Variants in LRP5 observed in about 807,000 individuals in gnomAD.
LRP5 encodes low-density lipoprotein receptor-related protein 5.
In LRP5, 62 loss-of-function variants were observed where a neutral mutation model predicts 154.1. The ratio of observed to expected loss-of-function variants is 0.40; its 90% CI spans 0.33 to 0.50. LRP5 has a LOEUF of 0.50. LRP5 is among the 20% of genes least tolerant of loss of function. The probability of loss-of-function intolerance (pLI) is 0.55; values close to 1 mark genes in which losing one functional copy is unlikely to be tolerated. For synonymous variants in LRP5, 966 were observed against 1,011.5 expected (o/e 0.96, Z 0.85); for missense variants, 1,915 against 2,336.7 (o/e 0.82, Z 3.72).
At chr11:68,422,793 T>A (rs572680666) in intron 13 of LRP5, among the ~76,000 whole-genome samples, 1 of 132,858 alleles carries the variant, frequency 7.5e-6, no homozygotes, top group Non-Finnish European at 1.6e-5. Flanking sequence ...TCTGTACCGA[T>A]CCCTTTACCC....
At chr11:68,329,826 C>T (rs2098601729) in intron 1 of LRP5, among the ~76,000 whole-genome samples, 1 of 152,236 alleles carries the variant, frequency 6.6e-6, no homozygotes, top group Non-Finnish European at 1.5e-5. Context: ...CACTATTTGC[C>T]ATGGCCTTGG....
At position 68,363,961 on chromosome 11, in the gene LRP5, C is replaced by T. The variant is rs555578886; in HGVS notation, c.883+18C>T. The T allele has an allele frequency of 3.9e-5, 43 of 1,096,048 alleles. No individual in the cohort carries two copies. In the East Asian group the frequency reaches 5.6e-4, roughly 14 times the overall value. The allele number at this position is 1,096,048 out of a possible 1,614,324, so 67.9% of individuals were successfully genotyped here. A position where few individuals can be genotyped will look rare whatever the true frequency, so the allele number is the denominator to read the frequency against. On this transcript the variant is annotated intron_variant, in intron 4 of 22. Coordinates refer to ENST00000294304, the MANE Select transcript of LRP5 (RefSeq NM_002335.4). ...GCCTTTCTGTGAGTGCCGGCTGGGG[C>T]GCGGGGGCGAGGGTGCGGGGGCTGG... is the stretch of plus-strand genomic sequence containing the variant.
Position 68,406,573 on chromosome 11 carries a change from C to T in LRP5, c.1851C>T (p.Phe617=), listed in dbSNP as rs746784651. The stretch of plus-strand genomic sequence containing the variant: ...ACGGGGGGTGCAGCCACCTGTGCTT[C>T]TTCACACCCCACGCAACCCGGTGTG... ...DRNGGCSHLC[F]FTPHATRCGC... Residue 617 remains phenylalanine (F), a synonymous_variant, in exon 9 of 23, where the codon TTC becomes TTT. Transcript: ENST00000294304. 1 of 1,614,216 alleles carries T rather than the reference C, an allele frequency of 6.2e-7. No homozygotes were observed. The highest frequency in any genetic ancestry group is 1.1e-5 in the South Asian group (1 of 91,088).
chr11:68,373,009 C>T (rs538571358), intron 5 of LRP5, among the ~76,000 whole-genome samples: 89 of 151,656 alleles, frequency 5.9e-4, no homozygotes, highest in Non-Finnish European at 1.1e-3. Flanking sequence ...CCAGAAGAAA[C>T]GGGGCAGGTG....
chr11:68,408,182 C>T (rs974099531), intron 9 of LRP5, among the ~76,000 whole-genome samples: 1 of 151,366 alleles, frequency 6.6e-6, no homozygotes, highest in Non-Finnish European at 1.5e-5. Context: ...CTCTAGTGAT[C>T]CTCTCATCTC....
intron 21 of LRP5, among the ~76,000 whole-genome samples, chr11:68,445,370 G>A (rs921286101): frequency 2.0e-5 from 3 of 152,208 alleles, no homozygotes; most frequent in African/African-American, 7.2e-5. Context: ...AAAGTGCTAG[G>A]TCAAGCCCAT....
chr11:68,342,945 C>G (rs551021590), intron 1 of LRP5, among the ~76,000 whole-genome samples: 2 of 152,340 alleles, frequency 1.3e-5, no homozygotes, highest in African/African-American at 4.8e-5. Context: ...GCCAGGGCCC[C>G]CCGCTGGGAC....
intron 1 of LRP5, among the ~76,000 whole-genome samples, chr11:68,335,210 G>C (rs2098605007): frequency 6.6e-6 from 1 of 151,656 alleles, no homozygotes; most frequent in African/African-American, 2.4e-5. Flanking sequence ...TCCAGTAGCT[G>C]GGACTATAGG....
intron 15 of LRP5, among the ~76,000 whole-genome samples, chr11:68,425,586 C>T (rs2098668308): frequency 6.6e-6 from 1 of 152,238 alleles, no homozygotes; most frequent in Non-Finnish European, 1.5e-5. Context: ...GCGCAAGAAG[C>T]TGCTCTGCTC....
chr11:68,401,329 A>G (rs1331629550), intron 7 of LRP5, among the ~76,000 whole-genome samples: 2 of 152,230 alleles, frequency 1.3e-5, no homozygotes, highest in African/African-American at 4.8e-5. Flanking sequence ...CGGAGCATCC[A>G]GGCATGGGTG....
chr11:68,332,281 T>G (rs1212910514), intron 1 of LRP5, among the ~76,000 whole-genome samples: 1 of 152,266 alleles, frequency 6.6e-6, no homozygotes, highest in East Asian at 1.9e-4. Flanking sequence ...TTATTCATTA[T>G]TGTCATGCAA....
At position 68,337,326 on chromosome 11, in the gene LRP5, G is replaced by A. The variant is rs140869488; in HGVS notation, c.92-10521G>A. ...TGTCCCTGGGGTTGGGGTGTGAGGA[G>A]GTGTGCAGGGTAGTAGCGTGAATAA... On this transcript the variant is annotated intron_variant, in intron 1 of 22. Transcript: ENST00000294304. Among the ~76,000 whole-genome samples, 614 of 152,282 alleles carry A rather than the reference G, an allele frequency of 4.0e-3. 2 individuals carry two copies. The highest frequency in any genetic ancestry group is 0.014 in the African/African-American group (591 of 41,548).
chr11:68,429,735 G>A, intron 17 of LRP5, 35 bp downstream of exon 17: 2 of 1,613,500 alleles, frequency 1.2e-6, no homozygotes, highest in Admixed American at 1.7e-5. Flanking sequence ...TGGGGTGATG[G>A]ACAGGTACCT....
chr11:68,447,975 G>A lies in LRP5; in HGVS notation c.4587-834G>A, dbSNP rs547661457. ...GGTTGCTGTATTAGCCTGTTCTCACGCTGCTAATAAAGACATACCCAAGAC... is the reference window on the plus strand; with the variant it reads ...GGTTGCTGTATTAGCCTGTTCTCACACTGCTAATAAAGACATACCCAAGAC... On this transcript the variant is annotated intron_variant, in intron 22 of 22. Transcript: ENST00000294304. The surrounding 1 kb of genome is among the most constrained non-coding windows in gnomAD (Gnocchi z 4.3). Among the ~76,000 whole-genome samples, 1 of 152,162 alleles carries A rather than the reference G, an allele frequency of 6.6e-6. No homozygotes were observed. The highest frequency in any genetic ancestry group is 1.5e-5 in the Non-Finnish European group (1 of 68,038).
chr11:68,352,152 G>A (rs181333670), intron 2 of LRP5, among the ~76,000 whole-genome samples: 189 of 152,272 alleles, frequency 1.2e-3, no homozygotes, highest in Non-Finnish European at 2.2e-3. Context: ...GGTTATTACC[G>A]GGATCCTGGC....
At chr11:68,439,399 G>T (rs1428489979) in intron 20 of LRP5, among the ~76,000 whole-genome samples, 1 of 152,196 alleles carries the variant, frequency 6.6e-6, no homozygotes, top group African/African-American at 2.4e-5. Context: ...TCTCTGGGGA[G>T]CGGGGTTATC....
rs188251444 is a variant in LRP5, at chr11:68,342,775, A to T, written c.92-5072A>T. On this transcript the variant is annotated intron_variant, in intron 1 of 22. Coordinates refer to ENST00000294304, the MANE Select transcript of LRP5 (RefSeq NM_002335.4). Reference sequence around the variant, plus strand: ...TGGGTTGGGAAAAGCACAGCAAATTAAAAAACACCTCCATCTCTGGCCTTT... The same window carrying T: ...TGGGTTGGGAAAAGCACAGCAAATTTAAAAACACCTCCATCTCTGGCCTTT... Among the ~76,000 whole-genome samples the T allele has an allele frequency of 6.6e-5, 10 of 152,332 alleles. No homozygotes were observed. In the East Asian group the frequency reaches 1.9e-3, roughly 29 times the overall value.
At chr11:68,328,478 A>G (rs574048150) in intron 1 of LRP5, among the ~76,000 whole-genome samples, 4 of 152,324 alleles carry the variant, frequency 2.6e-5, no homozygotes, top group African/African-American at 9.6e-5. Flanking sequence ...AGGAAGAACA[A>G]TGAGACCTTT....
the LRP5 span, among the ~76,000 whole-genome samples, chr11:68,305,099 CCAAACCT>C: frequency 3.3e-5 from 5 of 151,968 alleles, no homozygotes; most frequent in African/African-American, 1.2e-4. Flanking sequence ...ATTTGTCCCC[CCAAACCT>C]CATGTTGAAC....
Sources: gnomAD v4.1 joint callset for allele counts (sites outside exome capture counted in the v4.1 genomes callset) on GRCh38, gnomAD v4.1.1 for gene constraint, Gnocchi (gnomAD v3.1) non-coding constraint, MANE v1.5 for transcripts, NCBI Gene and HGNC (gene_info 2026-07-23, HGNC 2026-07-21) for gene names.